The following PLCL1 variants were observed in gnomAD, a reference collection of about 807,000 sequenced individuals.
The protein encoded by PLCL1 is inactive phospholipase C-like protein 1.
A neutral mutation model predicts 84.4 loss-of-function variants in PLCL1; 41 were observed. That is an observed-to-expected ratio of 0.49 (90% CI 0.38 to 0.63). The LOEUF is 0.63. Ranked by LOEUF, PLCL1 falls within the 30% of genes least tolerant of loss-of-function variation. PLCL1 has a pLI of 0.00. For missense variants in PLCL1, 1,206 were observed against 1,367.8 expected, an observed-to-expected ratio of 0.88 and a Z score of 1.87; for synonymous variants, 490 against 488.3, an observed-to-expected ratio of 1.00 and a Z score of -0.05.
At chr2:197,925,490 C>G (rs928069909) in intron 1 of PLCL1, among the ~76,000 whole-genome samples, 7 of 152,158 alleles carry the variant, frequency 4.6e-5, no homozygotes, top group Non-Finnish European at 1.0e-4. Context: ...ACTTTAAGCT[C>G]TTCAATGTGG....
At chr2:197,896,784 C>T (rs1320427118) in intron 1 of PLCL1, among the ~76,000 whole-genome samples, 1 of 151,874 alleles carries the variant, frequency 6.6e-6, no homozygotes, top group African/African-American at 2.4e-5. Flanking sequence ...TCATTGGTGG[C>T]TTTTTTCCAG....
At chr2:197,897,177 CTTCTTCTTCTT>C (rs1559038631) in intron 1 of PLCL1, among the ~76,000 whole-genome samples, 8 of 28,842 alleles carry the variant, frequency 2.8e-4, no homozygotes, top group African/African-American at 1.9e-3. Flanking sequence ...TCTTCTTCTT[CTTCTTCTTCTT>C]CTCCTTCTCC....
chr2:197,872,791 G>A (rs1291737923), intron 1 of PLCL1, among the ~76,000 whole-genome samples: 3 of 152,102 alleles, frequency 2.0e-5, no homozygotes, highest in African/African-American at 7.2e-5. Flanking sequence ...ATAAGCTTGA[G>A]TAAAAGATTT....
In PLCL1 at chr2:197,954,290, T is replaced by C. The variant is rs1247307939; in HGVS notation, c.241-129468T>C. On this transcript the variant is annotated intron_variant, in intron 1 of 5. Coordinates refer to ENST00000428675, the MANE Select transcript of PLCL1 (RefSeq NM_006226.4). ...CAACTTAAAAGCTGGAATTCTCAAA[T>C]GCCAAATAATTGGAGATTTGCTTTC... Among the ~76,000 whole-genome samples the C allele has an allele frequency of 2.6e-5, 4 of 152,216 alleles. No homozygotes were observed. In the East Asian group the frequency reaches 7.8e-4, roughly 29 times the overall value.
At chr2:198,094,282 T>C (rs896636432) in intron 3 of PLCL1, among the ~76,000 whole-genome samples, 73 of 152,068 alleles carry the variant, frequency 4.8e-4, no homozygotes, top group Admixed American at 3.3e-4. Flanking sequence ...AGGATGGTCT[T>C]GATCTCCTGA....
chr2:198,101,954 A>G (rs1693351301), intron 4 of PLCL1, among the ~76,000 whole-genome samples: 1 of 152,048 alleles, frequency 6.6e-6, no homozygotes, highest in African/African-American at 2.4e-5. Context: ...CAATAGTAGC[A>G]ACTGCTTGAT....
At chr2:197,920,988 TCA>T (rs1688690295) in intron 1 of PLCL1, among the ~76,000 whole-genome samples, 2 of 152,192 alleles carry the variant, frequency 1.3e-5, no homozygotes, top group Non-Finnish European at 2.9e-5. Flanking sequence ...GATTTTGTCA[TCA>T]TACAAACATC....
At position 197,804,971 on chromosome 2, in the gene PLCL1, C is replaced by A; in HGVS notation, c.-129C>A. On this transcript the variant is annotated 5_prime_UTR_variant, in exon 1 of 6. Coordinates refer to ENST00000428675, the MANE Select transcript of PLCL1 (RefSeq NM_006226.4). ...GCCGCCGCCGCCGCCGCCGCCACTG[C>A]CGCCGCTGGGCGGTGAAACAAAGTC... The A allele has an allele frequency of 2.5e-6, 3 of 1,189,924 alleles. No homozygotes were observed. Among genetic ancestry groups the A allele is most frequent in the Non-Finnish European group, 3.4e-6 (3 of 886,076 alleles). 73.7% of individuals were successfully genotyped at this position (1,189,924 alleles called of 1,614,324 possible).
chr2:198,031,269 G>A (rs1182921315), intron 1 of PLCL1, among the ~76,000 whole-genome samples: 1 of 151,500 alleles, frequency 6.6e-6, no homozygotes, highest in Non-Finnish European at 1.5e-5. Context: ...AGCTACCTGA[G>A]AGGCGTGAGG....
At chr2:197,968,375 C>A (rs909418594) in intron 1 of PLCL1, among the ~76,000 whole-genome samples, 1 of 152,096 alleles carries the variant, frequency 6.6e-6, no homozygotes, top group Non-Finnish European at 1.5e-5. Flanking sequence ...TATCAGAGAT[C>A]CCCCCTTACA....
intron 5 of PLCL1, among the ~76,000 whole-genome samples, chr2:198,145,245 T>C (rs1694492044): frequency 6.6e-6 from 1 of 152,182 alleles, no homozygotes; most frequent in Non-Finnish European, 1.5e-5. Flanking sequence ...GACTCATTCG[T>C]GATGTCTATA....
intron 2 of PLCL1, among the ~76,000 whole-genome samples, chr2:198,087,072 TC>T (rs1222954896): frequency 6.6e-6 from 1 of 152,174 alleles, no homozygotes; most frequent in African/African-American, 2.4e-5. Context: ...AAATTGGCAC[TC>T]AAACTGGTTG....
chr2:197,854,851 A>G (rs910882152), intron 1 of PLCL1, among the ~76,000 whole-genome samples: 12 of 152,180 alleles, frequency 7.9e-5, no homozygotes, highest in Non-Finnish European at 1.5e-4. Flanking sequence ...CTGTAATGCC[A>G]TGCTTTCCCC....
chr2:197,957,586 T>C (rs1422245827), intron 1 of PLCL1, among the ~76,000 whole-genome samples: 1 of 152,056 alleles, frequency 6.6e-6, no homozygotes, highest in African/African-American at 2.4e-5. Flanking sequence ...GTCTTGGATA[T>C]AGTTGCCAGT....
chr2:198,010,089 TA>T (rs1690832539), intron 1 of PLCL1, among the ~76,000 whole-genome samples: 1 of 152,014 alleles, frequency 6.6e-6, no homozygotes. Flanking sequence ...GTGTGTGACT[TA>T]AAAGACCATG....
At chr2:197,834,849 C>T (rs543124741) in intron 1 of PLCL1, among the ~76,000 whole-genome samples, 4 of 152,282 alleles carry the variant, frequency 2.6e-5, no homozygotes, top group South Asian at 2.1e-4. Flanking sequence ...CACATGCACA[C>T]GTATGTTTAT....
chr2:198,134,961 G>A (rs1325338280), intron 5 of PLCL1, among the ~76,000 whole-genome samples: 2 of 152,104 alleles, frequency 1.3e-5, no homozygotes, highest in African/African-American at 2.4e-5. Context: ...CCAATAATTT[G>A]AGCAACAATT....
chr2:197,891,964 G>A (rs6434942), intron 1 of PLCL1, among the ~76,000 whole-genome samples: 78,752 of 151,884 alleles, frequency 0.52, 21,266 homozygotes, highest in African/African-American at 0.65. Flanking sequence ...GATTAAATGA[G>A]AATTTCCACT....
At chr2:198,140,632 A>G (rs1694363885) in intron 5 of PLCL1, among the ~76,000 whole-genome samples, 1 of 152,138 alleles carries the variant, frequency 6.6e-6, no homozygotes, top group Non-Finnish European at 1.5e-5. Context: ...TTTAATTTTC[A>G]TTATGTTGAA....
Sources: allele counts gnomAD v4.1 joint callset (sites outside exome capture counted in the v4.1 genomes callset), GRCh38; gene constraint gnomAD v4.1.1; transcripts MANE v1.5; gene names NCBI Gene and HGNC (gene_info 2026-07-23, HGNC 2026-07-21).